Variants in DDX10 observed in about 807,000 individuals in gnomAD.
DDX10 encodes the protein probable ATP-dependent RNA helicase DDX10.
Under a neutral mutation model 104.3 loss-of-function variants are expected in DDX10, and 74 were observed. The ratio of observed to expected loss-of-function variants is 0.71; its 90% confidence interval spans 0.59 to 0.86. The LOEUF (loss-of-function observed/expected upper bound fraction) is 0.86. DDX10 is among the 40% of genes least tolerant of loss of function. DDX10 has a pLI of 0.00. For synonymous variants in DDX10, 351 were observed against 353.4 expected, an observed-to-expected ratio of 0.99 and a Z score of 0.08; for missense variants, 952 against 1,040.0, an observed-to-expected ratio of 0.92 and a Z score of 1.16.
chr11:108,701,367 G>A (rs906162828), intron 9 of DDX10, among the ~76,000 whole-genome samples: 5 of 152,088 alleles, frequency 3.3e-5, no homozygotes, highest in African/African-American at 1.2e-4. Flanking sequence ...AGGGAGAATA[G>A]AAGGAGATAC....
At chr11:108,693,737 A>C in intron 9 of DDX10, 137 bp downstream of exon 9, 1 of 691,662 alleles carries the variant, frequency 1.4e-6, no homozygotes, top group Non-Finnish European at 2.6e-6. Flanking sequence ...GTTGACAGCT[A>C]CTGTAAATCA....
At chr11:108,781,948 C>T (rs1248300793) in intron 13 of DDX10, among the ~76,000 whole-genome samples, 1 of 152,128 alleles carries the variant, frequency 6.6e-6, no homozygotes, top group African/African-American at 2.4e-5. Flanking sequence ...AAGAGCACAG[C>T]CGTCAGAAGA....
Position 108,852,189 on chromosome 11 carries a change from G to A in DDX10, c.2284G>A (p.Ala762Thr). ...GAAAGAAAGGGAAGCCAGAAGAGAAGCCAACAAGAGACAAGCAAAGGTAAG... is the reference window on the plus strand; with the variant it reads ...GAAAGAAAGGGAAGCCAGAAGAGAAACCAACAAGAGACAAGCAAAGGTAAG... ...RLKEREARRE[A>T]NKRQAKAKDE... The change falls in exon 16 of 18, where the codon GCC becomes ACC. Residue 762 changes from alanine to threonine, a missense_variant. Around this residue, in one of 3 missense-constraint regions of DDX10, gnomAD observed 533 missense variants for 534.1 expected, o/e 1.00. Coordinates refer to ENST00000322536, the MANE Select transcript of DDX10 (RefSeq NM_004398.4). 1.9e-6 allele frequency: 3 copies of A among 1,611,312 alleles called. No individual in the cohort carries two copies. The highest frequency in any genetic ancestry group is 1.1e-5 in the South Asian group (1 of 90,636).
chr11:108,715,981 A>T lies in DDX10; in HGVS notation c.1410+15A>T. 3 of 1,336,710 alleles carry T rather than the reference A, an allele frequency of 2.2e-6. No homozygotes were observed. The East Asian group carries it at 6.9e-5, about 31-fold the overall frequency. The allele number at this position is 1,336,710 out of a possible 1,614,324, so 82.8% of individuals were successfully genotyped here. A position where few individuals can be genotyped will look rare whatever the true frequency, so the allele number is the denominator to read the frequency against. ...GAGCTCAAAGGGTAAGTCATTTTTC[A>T]GTTGGATACTTTCATTGACTGGAAA... On this transcript the variant is annotated intron_variant, in intron 11 of 17. Transcript: ENST00000322536.
chr11:108,902,509 A>G (rs538845532), intron 16 of DDX10, among the ~76,000 whole-genome samples: 1 of 152,296 alleles, frequency 6.6e-6, no homozygotes, highest in East Asian at 1.9e-4. Context: ...TTTAAATCTC[A>G]GTTTTCAAAT....
rs978211602 is a variant in DDX10, at chr11:108,926,889, G to GA, written c.2450+8877dup. On this transcript the variant is annotated intron_variant, in intron 17 of 17. Coordinates refer to ENST00000322536, the MANE Select transcript of DDX10 (RefSeq NM_004398.4). ...CATGTATTAGGTTTAAATTATTTAG[G>GA]AAAAAATCCAAGCTACATTTATGAT... 2.6e-5 allele frequency among the ~76,000 whole-genome samples: 4 copies of GA among 152,138 alleles called. No individual in the cohort carries two copies. The East Asian group carries it at 7.7e-4, about 29-fold the overall frequency.
At chr11:108,922,384 C>G (rs760715167) in intron 17 of DDX10, 1 of 152,000 alleles carries the variant, frequency 6.6e-6, no homozygotes, top group South Asian at 2.1e-4. Flanking sequence ...CTAGCATGAG[C>G]GAGTTTCTTT....
rs530672068 is a variant in DDX10 at position 108,891,861 on chromosome 11, G to T, written c.2305-26012G>T. ...TTGTGGGGAGGGCACCGGGAAGAGT[G>T]AAGAGCTAACAGGGTAGTATAAAAA... On this transcript the variant is annotated intron_variant, in intron 16 of 17. Coordinates refer to ENST00000322536, the MANE Select transcript of DDX10 (RefSeq NM_004398.4). Among the ~76,000 whole-genome samples the T allele has an allele frequency of 4.6e-5, 7 of 151,378 alleles. No homozygotes were observed. In the South Asian group the frequency reaches 1.5e-3, roughly 31 times the overall value.
At chr11:108,874,646 A>G (rs966190282) in intron 16 of DDX10, among the ~76,000 whole-genome samples, 3 of 152,022 alleles carry the variant, frequency 2.0e-5, no homozygotes, top group Admixed American at 1.3e-4. Flanking sequence ...TGCTGGGACT[A>G]CAAGTGACAG....
chr11:108,902,851 TTTG>T (rs1302267565), intron 16 of DDX10, among the ~76,000 whole-genome samples: 10 of 152,134 alleles, frequency 6.6e-5, no homozygotes, highest in Admixed American at 1.3e-4. Flanking sequence ...ATCCTTTCCA[TTTG>T]TTAAGTAGAA....
intron 13 of DDX10, among the ~76,000 whole-genome samples, chr11:108,748,854 T>A (rs1373922795): frequency 6.6e-6 from 1 of 152,148 alleles, no homozygotes; most frequent in East Asian, 1.9e-4. Flanking sequence ...CTAATGTTTT[T>A]AAATGTTTTA....
chr11:108,798,086 T>G (rs1861970822), intron 13 of DDX10, among the ~76,000 whole-genome samples: 1 of 152,224 alleles, frequency 6.6e-6, no homozygotes, highest in South Asian at 2.1e-4. Flanking sequence ...TTTTCATATA[T>G]TGCGTACACA....
chr11:108,909,338 G>T (rs193115659), intron 16 of DDX10, among the ~76,000 whole-genome samples: 1 of 115,424 alleles, frequency 8.7e-6, no homozygotes, highest in South Asian at 3.0e-4. Flanking sequence ...CCCCACTCCC[G>T]CCCCTTCCCT....
Position 108,926,601 on chromosome 11 carries a change from C to T in DDX10, c.2450+8583C>T, listed in dbSNP as rs143299355. ...TTACAAATTTGTTTTTAATACTGAG[C>T]AGCTAGAAAAGAGACATTAAGGACA... On this transcript the variant is annotated intron_variant, in intron 17 of 17. Coordinates refer to ENST00000322536, the MANE Select transcript of DDX10 (RefSeq NM_004398.4). Among the ~76,000 whole-genome samples the T allele has an allele frequency of 5.3e-5, 8 of 152,298 alleles. No homozygotes were observed. The East Asian group carries it at 1.2e-3, about 22-fold the overall frequency.
chr11:108,910,841 T>G (rs1326843178), intron 16 of DDX10, among the ~76,000 whole-genome samples: 1 of 151,180 alleles, frequency 6.6e-6, no homozygotes, highest in Non-Finnish European at 1.5e-5. Flanking sequence ...TAGGGGGTTC[T>G]TGTTTTGAGC....
At chr11:108,875,812 G>A (rs191208835) in intron 16 of DDX10, among the ~76,000 whole-genome samples, 77 of 152,232 alleles carry the variant, frequency 5.1e-4, no homozygotes, top group African/African-American at 1.7e-3. Context: ...CGTTGCACTA[G>A]CAGGAACTGG....
chr11:108,740,952 C>A (rs2094324437), intron 13 of DDX10, among the ~76,000 whole-genome samples: 1 of 152,086 alleles, frequency 6.6e-6, no homozygotes, highest in Non-Finnish European at 1.5e-5. Context: ...ACATTTAAGT[C>A]ATTAATCTAT....
At chr11:108,724,943 A>T (rs942458397) in intron 13 of DDX10, among the ~76,000 whole-genome samples, 1 of 152,150 alleles carries the variant, frequency 6.6e-6, no homozygotes, top group East Asian at 1.9e-4. Flanking sequence ...AATTACCACA[A>T]TTAAGAATAG....
At chr11:108,813,847 A>C (rs1304037594) in intron 13 of DDX10, among the ~76,000 whole-genome samples, 3 of 151,940 alleles carry the variant, frequency 2.0e-5, no homozygotes, top group African/African-American at 7.2e-5. Context: ...TTAACCTGTC[A>C]CCTTTATCTG....
Sources: gnomAD v4.1 joint callset for allele counts (sites outside exome capture counted in the v4.1 genomes callset) on GRCh38, gnomAD v4.1.1 for gene constraint, gnomAD v4.1.1 regional missense constraint, MANE v1.5 for transcripts, NCBI Gene and HGNC (gene_info 2026-07-23, HGNC 2026-07-21) for gene names.